The following MARCHF3 variants were observed in gnomAD, a reference collection of about 807,000 sequenced individuals.
The protein encoded by MARCHF3 is membrane associated ring-CH-type finger 3.
MARCHF3 carries 13 observed loss-of-function variants against 24.2 expected under a neutral mutation model. The observed-to-expected ratio is 0.54, with a 90% CI of 0.35 to 0.85. MARCHF3 has a LOEUF of 0.85. Ranked by LOEUF, MARCHF3 falls within the 40% of genes least tolerant of loss-of-function variation. MARCHF3 has a pLI of 0.01. For synonymous variants in MARCHF3, 144 were observed against 137.3 expected (o/e 1.05, Z -0.34); for missense variants, 276 against 325.0 (o/e 0.85, Z 1.16).
At chr5:126,870,939 C>G in intron 4 of MARCHF3, 148 bp from the exon 5 acceptor site, 3 of 1,119,092 alleles carry the variant, frequency 2.7e-6, no homozygotes, top group Non-Finnish European at 3.7e-6. Flanking sequence ...ATGGCTCTGG[C>G]ACGCAGTGAG....
At chr5:127,015,136 A>G (rs1173995667) in intron 1 of MARCHF3, among the ~76,000 whole-genome samples, 1 of 152,204 alleles carries the variant, frequency 6.6e-6, no homozygotes, top group African/African-American at 2.4e-5. Context: ...AATTTGAGAA[A>G]TTACTTTCAA....
chr5:126,915,531 A>G (rs73335490), intron 2 of MARCHF3, among the ~76,000 whole-genome samples: 14,001 of 152,290 alleles, frequency 0.092, 1,429 homozygotes, highest in African/African-American at 0.25. Flanking sequence ...GACCAAACCA[A>G]GACATGTTTG....
At chr5:126,880,645 G>C (rs896535031) in intron 3 of MARCHF3, among the ~76,000 whole-genome samples, 3 of 152,072 alleles carry the variant, frequency 2.0e-5, no homozygotes, top group Non-Finnish European at 4.4e-5. Flanking sequence ...ACTGAGAAGA[G>C]GATCGAGATC....
intron 4 of MARCHF3, among the ~76,000 whole-genome samples, chr5:126,874,600 A>C (rs536255285): frequency 5.3e-4 from 81 of 152,200 alleles, no homozygotes; most frequent in Non-Finnish European, 8.2e-4. Context: ...AAAAAAAAAA[A>C]AAAAGTCACA....
intron 1 of MARCHF3, among the ~76,000 whole-genome samples, chr5:126,938,490 T>A (rs1296119321): frequency 2.6e-5 from 4 of 151,662 alleles, no homozygotes; most frequent in Admixed American, 2.0e-4. Context: ...TCTAGAGAAC[T>A]TTGTTGTTGT....
chr5:126,928,137 C>T (rs1363007874), intron 1 of MARCHF3, among the ~76,000 whole-genome samples: 1 of 152,186 alleles, frequency 6.6e-6, no homozygotes, highest in Non-Finnish European at 1.5e-5. Flanking sequence ...CTTATGCCCC[C>T]ACGGAGCTCA....
intron 3 of MARCHF3, among the ~76,000 whole-genome samples, chr5:126,906,145 C>A (rs1361018860): frequency 1.3e-5 from 2 of 150,798 alleles, no homozygotes; most frequent in African/African-American, 4.9e-5. Context: ...TTGAACCAGC[C>A]TTGCATCCCA....
At chr5:127,027,578 T>A (rs1015726408) in intron 1 of MARCHF3, among the ~76,000 whole-genome samples, 2 of 152,156 alleles carry the variant, frequency 1.3e-5, no homozygotes, top group African/African-American at 4.8e-5. Flanking sequence ...GGGGTGGGTC[T>A]TAAATTCATC....
rs778627743 is a variant in MARCHF3, at chr5:126,915,039, G to T, written c.284C>A (p.Thr95Lys). 3 of 1,614,052 alleles carry T rather than the reference G, an allele frequency of 1.9e-6. No individual in the cohort carries two copies. The highest frequency in any genetic ancestry group is 2.7e-5 in the African/African-American group (2 of 74,918). Reference sequence around the variant, plus strand: ...GTGCTCCAGGCAGCTCCGATGAATTGTCCCCAAGGTCCCTGTACATTCACA... The same window carrying T: ...GTGCTCCAGGCAGCTCCGATGAATTTTCCCCAAGGTCCCTGTACATTCACA... ...SPCECTGTLG[T>K]IHRSCLEHWL... Residue 95 changes from threonine (T) to lysine (K), a missense_variant, in exon 3 of 5, where the codon ACA becomes AAA. Coordinates refer to ENST00000308660, the MANE Select transcript of MARCHF3 (RefSeq NM_178450.5).
chr5:127,000,019 GA>G (rs1364003275), intron 1 of MARCHF3, among the ~76,000 whole-genome samples: 1 of 148,766 alleles, frequency 6.7e-6, no homozygotes, highest in Non-Finnish European at 1.5e-5. Flanking sequence ...AAGTACATTA[GA>G]ATATATAAGA....
intron 1 of MARCHF3, among the ~76,000 whole-genome samples, chr5:126,966,884 C>G (rs1211031234): frequency 1.7e-4 from 5 of 28,786 alleles, no homozygotes; most frequent in Non-Finnish European, 2.8e-4. Flanking sequence ...TTCTGTTTCT[C>G]TCTTGTTGGG....
At chr5:126,932,955 T>G (rs1561434560) in intron 1 of MARCHF3, among the ~76,000 whole-genome samples, 1 of 152,186 alleles carries the variant, frequency 6.6e-6, no homozygotes, top group Non-Finnish European at 1.5e-5. Flanking sequence ...TCAAACTAAA[T>G]TTGTACTTCC....
At chr5:126,966,929 TTTTTTTTTTTTTTTTTG>T (rs1221893114) in intron 1 of MARCHF3, among the ~76,000 whole-genome samples, 1 of 127,654 alleles carries the variant, frequency 7.8e-6, no homozygotes, top group Non-Finnish European at 1.7e-5. Context: ...TTTTTTTTTT[TTTTTTTTTTTTTTTTTG>T]CTATTACCTA....
intron 4 of MARCHF3, among the ~76,000 whole-genome samples, chr5:126,875,547 A>G (rs1753119237): frequency 6.6e-6 from 1 of 152,264 alleles, no homozygotes. Context: ...GGCAGTTTCC[A>G]AGTGCTGTCA....
intron 3 of MARCHF3, among the ~76,000 whole-genome samples, chr5:126,889,883 A>C (rs985295777): frequency 9.9e-5 from 15 of 152,154 alleles, no homozygotes; most frequent in Admixed American, 3.3e-4. Context: ...ACCACCATTT[A>C]AGTAATTTGG....
chr5:127,014,980 T>C (rs1364719799), intron 1 of MARCHF3, among the ~76,000 whole-genome samples: 3 of 152,196 alleles, frequency 2.0e-5, no homozygotes, highest in East Asian at 1.9e-4. Context: ...ATATATTAAA[T>C]GTTCCCAACA....
intron 1 of MARCHF3, among the ~76,000 whole-genome samples, chr5:126,938,861 T>C (rs761329540): frequency 6.6e-6 from 1 of 152,220 alleles, no homozygotes; most frequent in Non-Finnish European, 1.5e-5. Context: ...GAAGCCAAAA[T>C]AAATAATTTT....
intron 1 of MARCHF3, among the ~76,000 whole-genome samples, chr5:126,992,585 C>T (rs546188809): frequency 1.0e-3 from 155 of 152,158 alleles, no homozygotes; most frequent in Non-Finnish European, 2.0e-3. Flanking sequence ...ATTTCTACTA[C>T]GTAGAAATTA....
At chr5:126,929,443 A>G (rs1749408999) in intron 1 of MARCHF3, among the ~76,000 whole-genome samples, 1 of 152,222 alleles carries the variant, frequency 6.6e-6, no homozygotes, top group Non-Finnish European at 1.5e-5. Flanking sequence ...CACTGATGAC[A>G]GTTGCCTGAA....
Sources: allele counts gnomAD v4.1 joint callset (sites outside exome capture counted in the v4.1 genomes callset), GRCh38; gene constraint gnomAD v4.1.1; transcripts MANE v1.5; gene names NCBI Gene and HGNC (gene_info 2026-07-23, HGNC 2026-07-21).